The following CSGALNACT1 variants were observed in gnomAD, a reference collection of about 807,000 sequenced individuals.
The protein encoded by CSGALNACT1 is chondroitin sulfate N-acetylgalactosaminyltransferase 1.
CSGALNACT1 carries 52 observed loss-of-function variants against 51.0 expected under a neutral mutation model. The ratio of observed to expected loss-of-function variants is 1.02; its 90% confidence interval spans 0.82 to 1.29. The LOEUF (loss-of-function observed/expected upper bound fraction) is 1.29. Ranked by LOEUF, CSGALNACT1 falls within the 50% of genes most tolerant of loss-of-function variation. CSGALNACT1 has a pLI of 0.00. For missense variants in CSGALNACT1, 935 were observed against 679.2 expected (o/e 1.38, Z -4.19); for synonymous variants, 341 against 254.4 (o/e 1.34, Z -3.24).
At chr8:19,554,552 G>C (rs543085969) in intron 3 of CSGALNACT1, among the ~76,000 whole-genome samples, 1 of 43,984 alleles carries the variant, frequency 2.3e-5, no homozygotes, top group Non-Finnish European at 4.0e-5. Flanking sequence ...CAAACTGACA[G>C]TTTCCAAAAC....
At position 19,485,746 on chromosome 8, in the gene CSGALNACT1, C is replaced by G. The variant is rs558719369; in HGVS notation, c.634+19455G>C. 2.3e-3 allele frequency among the ~76,000 whole-genome samples: 293 copies of G among 127,012 alleles called. 3 individuals carry two copies. Among genetic ancestry groups the G allele is most frequent in the African/African-American group, 7.7e-3 (281 of 36,606 alleles). The allele number at this position is 127,012 out of a possible 152,430, so 83.3% of individuals were successfully genotyped here. Reference sequence around the variant, plus strand: ...CTGGGCACTAACTAAAGTCTCACTGCCACCTCAGCTTGCTTTTTTTTTTTT... The same window carrying G: ...CTGGGCACTAACTAAAGTCTCACTGGCACCTCAGCTTGCTTTTTTTTTTTT... On this transcript the variant is annotated intron_variant, in intron 4 of 9. Transcript: ENST00000454498.
intron 3 of CSGALNACT1, among the ~76,000 whole-genome samples, chr8:19,550,931 A>T (rs986225813): frequency 6.6e-6 from 1 of 152,192 alleles, no homozygotes; most frequent in African/African-American, 2.4e-5. Flanking sequence ...TCTGGAAAAC[A>T]TACCTGCAAG....
intron 8 of CSGALNACT1, among the ~76,000 whole-genome samples, chr8:19,417,174 G>C (rs905469695): frequency 6.6e-6 from 1 of 152,080 alleles, no homozygotes; most frequent in Non-Finnish European, 1.5e-5. Flanking sequence ...TTCTTAAGAC[G>C]TGAAAAACTC....
intron 1 of CSGALNACT1, among the ~76,000 whole-genome samples, chr8:19,607,842 T>C (rs910966655): frequency 3.3e-5 from 5 of 152,244 alleles, no homozygotes; most frequent in East Asian, 1.9e-4. Context: ...TCTTTATCTG[T>C]TGTCTTCTCA....
At chr8:19,462,040 G>A (rs1160840340) in intron 4 of CSGALNACT1, among the ~76,000 whole-genome samples, 1 of 152,248 alleles carries the variant, frequency 6.6e-6, no homozygotes. Flanking sequence ...ATTCGCCGTG[G>A]AGGGTGTATC....
intron 6 of CSGALNACT1, among the ~76,000 whole-genome samples, chr8:19,437,154 A>T (rs1466599917): frequency 1.3e-5 from 2 of 152,140 alleles, no homozygotes; most frequent in African/African-American, 4.8e-5. Context: ...AGGTGCAGAA[A>T]GTGAGTATAG....
In CSGALNACT1 at chr8:19,462,813, CT is replaced by C. The variant is rs145999122; in HGVS notation, c.635-4172del. 2.4e-4 allele frequency among the ~76,000 whole-genome samples: 36 copies of C among 148,948 alleles called. No individual in the cohort carries two copies. The South Asian group carries it at 3.7e-3, about 15-fold the overall frequency. ...GGGATCCCTTAATTTCATCAGTTTTCTTTTTTTTTTCAACTTTTAGGTTCAG... is the reference window on the plus strand; with the variant it reads ...GGGATCCCTTAATTTCATCAGTTTTCTTTTTTTTTCAACTTTTAGGTTCAG... On this transcript the variant is annotated intron_variant, in intron 4 of 9. Transcript: ENST00000454498.
rs147114371 is a variant in CSGALNACT1 at position 19,650,001 on chromosome 8, C to T, written c.-544+32472G>A. 2.2e-3 allele frequency among the ~76,000 whole-genome samples: 329 copies of T among 152,132 alleles called. 2 individuals are homozygous for T. Among genetic ancestry groups the T allele is most frequent in the African/African-American group, 7.4e-3 (307 of 41,518 alleles). ...AGGTCTGTGAGGTAGGGCCCTATTTCAGTATGTTTTTCTGAAATGCAGGGT... is the reference window on the plus strand; with the variant it reads ...AGGTCTGTGAGGTAGGGCCCTATTTTAGTATGTTTTTCTGAAATGCAGGGT... On this transcript the variant is annotated intron_variant, in intron 1 of 9. Transcript: ENST00000332246.
At chr8:19,682,632 A>C (rs1300031928), upstream of CSGALNACT1, 3 of 453,938 alleles carry the variant, frequency 6.6e-6, no homozygotes, top group Non-Finnish European at 1.3e-5. Flanking sequence ...GATTGTGTAA[A>C]ATATTCAGGC....
At chr8:19,420,553 C>A (rs760422900) in intron 6 of CSGALNACT1, 35 bp from the exon 6 acceptor site, 3 of 1,604,342 alleles carry the variant, frequency 1.9e-6, no homozygotes, top group Non-Finnish European at 1.7e-6. Flanking sequence ...CACTCACATT[C>A]CCACATGTTG....
rs117174266 is a variant in CSGALNACT1 at position 19,709,566 on chromosome 8, G to A, written c.-297+48284C>T. On this transcript the variant is annotated intron_variant, in intron 1 of 1. Transcript: ENST00000517494. ...CTGAGAGAATGAAGTGGTTCCTACA[G>A]AGGGAACAGCAAGTGCTCCTGAGGC... is the stretch of plus-strand genomic sequence containing the variant. Among the ~76,000 whole-genome samples the A allele has an allele frequency of 9.4e-3, 1,432 of 152,318 alleles. 11 individuals carry two copies. Among genetic ancestry groups the A allele is most frequent in the Non-Finnish European group, 0.014 (951 of 68,014 alleles).
intron 1 of CSGALNACT1, among the ~76,000 whole-genome samples, chr8:19,690,824 G>C (rs780375412): frequency 1.1e-4 from 16 of 152,164 alleles, no homozygotes; most frequent in Non-Finnish European, 1.8e-4. Context: ...TGGGAAATTA[G>C]AGTTTGTTGT....
rs576360787 is a variant in CSGALNACT1 at position 19,601,151 on chromosome 8, T to A, written c.-416+620A>T. ...TTGCATAGAAACTCAAAATTACTGG[T>A]TACAAGAGCAGAACTAAAACAACAT... On this transcript the variant is annotated intron_variant, in intron 2 of 9. Transcript: ENST00000454498. 4.5e-4 allele frequency among the ~76,000 whole-genome samples: 69 copies of A among 152,260 alleles called. No homozygotes were observed. The Middle Eastern group carries it at 0.01, about 23-fold the overall frequency.
chr8:19,738,315 A>G (rs2064110735), intron 1 of CSGALNACT1, among the ~76,000 whole-genome samples: 1 of 152,346 alleles, frequency 6.6e-6, no homozygotes, highest in East Asian at 1.9e-4. Flanking sequence ...GAAAATTCTG[A>G]CGCATGCTAC....
chr8:19,754,812 G>A (rs1368782131), intron 1 of CSGALNACT1, among the ~76,000 whole-genome samples: 1 of 152,194 alleles, frequency 6.6e-6, no homozygotes, highest in Non-Finnish European at 1.5e-5. Flanking sequence ...CTATGCTGAA[G>A]AGGTCCCCTA....
intron 1 of CSGALNACT1, among the ~76,000 whole-genome samples, chr8:19,614,976 G>A (rs187789035): frequency 3.9e-5 from 6 of 152,322 alleles, no homozygotes; most frequent in Admixed American, 3.9e-4. Context: ...AAGTGTTGAA[G>A]TATCCAAAAG....
At chr8:19,726,914 G>C (rs2063431422) in intron 1 of CSGALNACT1, among the ~76,000 whole-genome samples, 3 of 152,218 alleles carry the variant, frequency 2.0e-5, no homozygotes, top group African/African-American at 7.2e-5. Context: ...GAGTCAGTGA[G>C]AACTAAGGCA....
At chr8:19,517,264 A>G (rs900014194) in intron 3 of CSGALNACT1, among the ~76,000 whole-genome samples, 1 of 152,128 alleles carries the variant, frequency 6.6e-6, no homozygotes, top group South Asian at 2.1e-4. Flanking sequence ...AACATGGAGA[A>G]AAACCATCTC....
intron 5 of CSGALNACT1, among the ~76,000 whole-genome samples, chr8:19,441,105 G>C (rs1480980088): frequency 1.3e-5 from 2 of 152,182 alleles, no homozygotes; most frequent in Non-Finnish European, 2.9e-5. Context: ...CATGCTCATG[G>C]GTAGGAAGAA....
Sources: allele counts gnomAD v4.1 joint callset (sites outside exome capture counted in the v4.1 genomes callset), GRCh38; gene constraint gnomAD v4.1.1; transcripts MANE v1.5; gene names NCBI Gene and HGNC (gene_info 2026-07-23, HGNC 2026-07-21).